CEP135: variants seen among roughly 807,000 people sequenced by gnomAD.
CEP135 encodes the protein centrosomal protein 135, also known as centrosomal protein of 135 kDa.
Under a neutral mutation model 157.3 loss-of-function variants are expected in CEP135, and 142 were observed. The ratio of observed to expected loss-of-function variants is 0.90; its 90% CI spans 0.79 to 1.04. The LOEUF is 1.04. CEP135 is among the 50% of genes least tolerant of loss of function. The probability of loss-of-function intolerance (pLI) is 0.00; values close to 1 mark genes in which losing one functional copy is unlikely to be tolerated. For missense variants in CEP135, 1,317 were observed against 1,309.2 expected, an observed-to-expected ratio of 1.01 and a Z score of -0.09; for synonymous variants, 396 against 439.8, an observed-to-expected ratio of 0.90 and a Z score of 1.25.
chr4:56,026,929 A>T (rs969904728), intron 25 of CEP135, among the ~76,000 whole-genome samples: 4 of 152,244 alleles, frequency 2.6e-5, no homozygotes, highest in African/African-American at 9.6e-5. Flanking sequence ...TGATAGAAAT[A>T]TATAGAAGAT....
intron 17 of CEP135, among the ~76,000 whole-genome samples, chr4:56,003,956 A>G (rs866476392): frequency 6.6e-6 from 1 of 152,024 alleles, no homozygotes; most frequent in Non-Finnish European, 1.5e-5. Context: ...CCTAGTCTCA[A>G]GCAGTCCTCT....
At chr4:56,029,781 G>A (rs2446747) in intron 25 of CEP135, among the ~76,000 whole-genome samples, 84,310 of 151,904 alleles carry the variant, frequency 0.56, 23,861 homozygotes, top group African/African-American at 0.67. Context: ...CAGTAAAAAT[G>A]TGGTTTAAAA....
In CEP135 at chr4:55,965,735, A is replaced by G; in HGVS notation, c.920A>G (p.Asn307Ser). 15 of 1,613,934 alleles carry G rather than the reference A, an allele frequency of 9.3e-6. No individual in the cohort carries two copies. Among genetic ancestry groups the G allele is most frequent in the Non-Finnish European group, 1.3e-5 (15 of 1,179,886 alleles). ...GAAACAGTGACATCTGAAGTCGTTA[A>G]TTTAAGTAACAAAAATGAAAAACTC... is the stretch of plus-strand genomic sequence containing the variant. ...TKETVTSEVV[N>S]LSNKNEKLCQ... is the part of the protein sequence containing the mutation. Residue 307 changes from asparagine (N) to serine (S), a missense_variant, in exon 8 of 26, where the codon AAT (asparagine) becomes AGT (serine). Physicochemically the swap from Asn to Ser is conservative, Grantham distance 46 (BLOSUM62 1). Transcript: ENST00000257287.
At chr4:56,018,372 G>C (rs1045476807) in intron 22 of CEP135, among the ~76,000 whole-genome samples, 3 of 152,130 alleles carry the variant, frequency 2.0e-5, no homozygotes, top group Admixed American at 6.5e-5. Flanking sequence ...TGATGAAAGT[G>C]GGTAATGTTT....
intron 6 of CEP135, chr4:55,960,582 A>G (rs1728645986): frequency 6.6e-6 from 1 of 152,196 alleles, no homozygotes; most frequent in Non-Finnish European, 1.5e-5. Flanking sequence ...AGGTGTTGGT[A>G]TAACTAAATC....
At chr4:56,018,388 T>G (rs1381527317) in intron 22 of CEP135, among the ~76,000 whole-genome samples, 1 of 152,188 alleles carries the variant, frequency 6.6e-6, no homozygotes, top group Non-Finnish European at 1.5e-5. Context: ...TGTTTTGGAA[T>G]AGATGGCTAT....
intron 14 of CEP135, among the ~76,000 whole-genome samples, chr4:55,988,127 A>G (rs1236513525): frequency 7.3e-6 from 1 of 136,772 alleles, no homozygotes; most frequent in Non-Finnish European, 1.6e-5. Context: ...GGAGGATTAT[A>G]TCAGGTTTAT....
rs1367725813 is a variant in CEP135, at chr4:56,011,934, G to C, written c.2751G>C (p.Glu917Asp). ...TGGAACTTCTTTCTATTGACACTGA[G>C]AGGAGACATCTTCGAGAAAGAGTGG... ...VRLELLSIDT[E>D]RRHLRERVEL... The change falls in exon 21 of 26, where the codon GAG (glutamate) becomes GAC (aspartate). Residue 917 changes from glutamate (E) to aspartate (D), a missense_variant. Physicochemically the swap from Glu to Asp is conservative, Grantham distance 45. Transcript: ENST00000257287. 6.3e-7 allele frequency: 1 copy of C among 1,587,266 alleles called. No individual in the cohort carries two copies. Among genetic ancestry groups the C allele is most frequent in the Non-Finnish European group, 8.6e-7 (1 of 1,168,672 alleles).
intron 25 of CEP135, among the ~76,000 whole-genome samples, chr4:56,025,223 C>T (rs770857651): frequency 2.4e-4 from 36 of 152,136 alleles, no homozygotes; most frequent in Non-Finnish European, 4.7e-4. Flanking sequence ...TCAAGCAGTC[C>T]TCCCACCTCA....
At chr4:55,970,789 G>A (rs1460986998) in intron 9 of CEP135, among the ~76,000 whole-genome samples, 1 of 152,098 alleles carries the variant, frequency 6.6e-6, no homozygotes, top group Non-Finnish European at 1.5e-5. Flanking sequence ...GGACATGTTG[G>A]ATACCATGGA....
intron 14 of CEP135, among the ~76,000 whole-genome samples, chr4:55,988,222 T>TG (rs1051504023): frequency 4.1e-5 from 4 of 98,362 alleles, no homozygotes; most frequent in African/African-American, 1.3e-4. Context: ...AATAAGAGTG[T>TG]GGGGGGCGGG....
chr4:55,976,747 G>A (rs565470851), intron 11 of CEP135, among the ~76,000 whole-genome samples: 1 of 152,136 alleles, frequency 6.6e-6, no homozygotes, highest in African/African-American at 2.4e-5. Context: ...AATGGGTGGG[G>A]TATAAGACAG....
rs910278131 is a variant in CEP135, at chr4:56,002,611, T to C, written c.2280+2966T>C. 1.6e-4 allele frequency among the ~76,000 whole-genome samples: 24 copies of C among 152,320 alleles called. 1 individual carries two copies. In the Middle Eastern group the frequency reaches 0.01, roughly 65 times the overall value. ...CATGGTGAATGATCTTTGTAATTTA[T>C]TTAAAAAATATTGTTGAATTTAGTT... On this transcript the variant is annotated intron_variant, in intron 17 of 25. Coordinates refer to ENST00000257287, the MANE Select transcript of CEP135 (RefSeq NM_025009.5).
In CEP135 at chr4:56,009,732, C is replaced by T; in HGVS notation, c.2337-3C>T. The T allele has an allele frequency of 1.3e-6, 2 of 1,594,248 alleles. No individual in the cohort carries two copies. The highest frequency in any genetic ancestry group is 1.2e-5 in the South Asian group (1 of 86,144). Reference sequence around the variant, plus strand: ...TATTAGTTTCACATCACTCATTTAACAGCCAGCTGAAAGAAACATTGGTTA... The same window carrying T: ...TATTAGTTTCACATCACTCATTTAATAGCCAGCTGAAAGAAACATTGGTTA... On this transcript the variant is annotated splice_region_variant and splice_polypyrimidine_tract_variant and intron_variant, in intron 18 of 25. Coordinates refer to ENST00000257287, the MANE Select transcript of CEP135 (RefSeq NM_025009.5).
intron 17 of CEP135, among the ~76,000 whole-genome samples, chr4:56,004,231 C>T (rs1312475630): frequency 6.6e-6 from 1 of 152,084 alleles, no homozygotes; most frequent in Admixed American, 6.5e-5. Flanking sequence ...CAGCGTTTCT[C>T]TTATTGATTT....
chr4:55,982,914 G>A (rs905219045), intron 13 of CEP135, among the ~76,000 whole-genome samples: 4 of 152,092 alleles, frequency 2.6e-5, no homozygotes, highest in Admixed American at 2.6e-4. Flanking sequence ...TTAGCACATT[G>A]TAAGTACTAA....
At chr4:55,993,235 GA>G (rs1483290411) in intron 15 of CEP135, among the ~76,000 whole-genome samples, 1 of 152,088 alleles carries the variant, frequency 6.6e-6, no homozygotes, top group Non-Finnish European at 1.5e-5. Flanking sequence ...TGAGAAAAAA[GA>G]CATAGTTCCA....
chr4:55,954,985 G>A (rs1275104961), intron 4 of CEP135, among the ~76,000 whole-genome samples: 1 of 152,132 alleles, frequency 6.6e-6, no homozygotes, highest in Non-Finnish European at 1.5e-5. Context: ...GGAGGCTGAG[G>A]TGGGAGGATT....
intron 8 of CEP135, 61 bp downstream of exon 8, chr4:55,965,920 C>T (rs1182286856): frequency 4.4e-6 from 6 of 1,377,602 alleles, no homozygotes; most frequent in Non-Finnish European, 5.1e-6. Flanking sequence ...ACACGGTAAG[C>T]TTGATCCCTT....
Sources: gnomAD v4.1 joint callset for allele counts (sites outside exome capture counted in the v4.1 genomes callset) on GRCh38, gnomAD v4.1.1 for gene constraint, MANE v1.5 for transcripts, NCBI Gene and HGNC (gene_info 2026-07-23, HGNC 2026-07-21) for gene names.